Variants in LRP12 observed in about 807,000 individuals in gnomAD.
LRP12 encodes low-density lipoprotein receptor-related protein 12.
LRP12 carries 14 observed loss-of-function variants against 66.0 expected under a neutral mutation model. That is an observed-to-expected ratio of 0.21 (90% confidence interval 0.14 to 0.33). The LOEUF (loss-of-function observed/expected upper bound fraction) is 0.33. Among genes scored for constraint, LRP12 ranks in the 10% least tolerant of loss-of-function variants. The pLI, the probability that LRP12 is intolerant of heterozygous loss-of-function variation, is 1.00. For synonymous variants in LRP12, 357 were observed against 359.1 expected (o/e 0.99, Z 0.07); for missense variants, 889 against 1,053.4 (o/e 0.84, Z 2.16).
chr8:104,507,790 T>C (rs1012061836), intron 3 of LRP12: 2 of 152,080 alleles, frequency 1.3e-5, no homozygotes, highest in Admixed American at 6.5e-5. Flanking sequence ...GAAGAGGTAA[T>C]GTAGGGTAGA....
chr8:104,551,945 A>G (rs1183267999), intron 1 of LRP12, among the ~76,000 whole-genome samples: 1 of 152,202 alleles, frequency 6.6e-6, no homozygotes, highest in Non-Finnish European at 1.5e-5. Context: ...TTTTGGAATT[A>G]GGCATGAAAC....
chr8:104,573,242 T>G (rs984995582), intron 1 of LRP12, among the ~76,000 whole-genome samples: 4 of 152,164 alleles, frequency 2.6e-5, no homozygotes, highest in African/African-American at 9.7e-5. Flanking sequence ...GGAGCCATAT[T>G]TTGGTTAACT....
At chr8:104,522,158 G>C (rs1340737645) in intron 2 of LRP12, among the ~76,000 whole-genome samples, 3 of 151,788 alleles carry the variant, frequency 2.0e-5, no homozygotes, top group Non-Finnish European at 4.4e-5. Flanking sequence ...AAAAACAAAA[G>C]CCATTTTAAT....
At chr8:104,560,489 A>G (rs973926031) in intron 1 of LRP12, among the ~76,000 whole-genome samples, 23 of 152,202 alleles carry the variant, frequency 1.5e-4, no homozygotes, top group Non-Finnish European at 1.3e-4. Context: ...AGGAGGCAAC[A>G]CTAAAACCTA....
chr8:104,491,492 T>C lies in LRP12; in HGVS notation c.1761A>G (p.Gly587=), dbSNP rs758021495. ...CCATAGGAAGCCTGACTGAAGTAAA[T>C]CCAAGCTGAGATCGTACCGCTAGCC... ...NLRLAVRSQL[G]FTSVRLPMAG... Residue 587 remains glycine, a synonymous_variant, in exon 7 of 7, where the codon GGA becomes GGG. Transcript: ENST00000276654. 14 of 1,612,622 alleles carry C rather than the reference T, an allele frequency of 8.7e-6. No individual in the cohort carries two copies. The highest frequency in any genetic ancestry group is 1.2e-5 in the Non-Finnish European group (14 of 1,179,796).
At chr8:104,548,941 A>G (rs1454515814) in intron 1 of LRP12, among the ~76,000 whole-genome samples, 1 of 151,692 alleles carries the variant, frequency 6.6e-6, no homozygotes, top group Non-Finnish European at 1.5e-5. Flanking sequence ...TCCGTCAAAA[A>G]TAAATAAATA....
At chr8:104,526,027 T>C (rs569819778) in intron 2 of LRP12, among the ~76,000 whole-genome samples, 101 of 152,280 alleles carry the variant, frequency 6.6e-4, no homozygotes, top group Non-Finnish European at 2.2e-4. Flanking sequence ...AGCATTCTTA[T>C]ACACCAATAA....
At chr8:104,504,609 T>C (rs1438851225) in intron 3 of LRP12, 1 of 152,226 alleles carries the variant, frequency 6.6e-6, no homozygotes, top group East Asian at 1.9e-4. Flanking sequence ...TTTTCTTTTA[T>C]TTTAATTGCA....
chr8:104,588,354 C>T (rs1812368100), intron 1 of LRP12, among the ~76,000 whole-genome samples: 1 of 152,128 alleles, frequency 6.6e-6, no homozygotes, highest in Non-Finnish European at 1.5e-5. Flanking sequence ...CAAGGGCTGG[C>T]GCGGTGGGAA....
At position 104,519,997 on chromosome 8, in the gene LRP12, T is replaced by C. The variant is rs563369445; in HGVS notation, c.137-10923A>G. Among the ~76,000 whole-genome samples, 27 of 151,692 alleles carry C rather than the reference T, an allele frequency of 1.8e-4. No individual in the cohort carries two copies. The South Asian group carries it at 2.5e-3, about 14-fold the overall frequency. On this transcript the variant is annotated intron_variant, in intron 2 of 6. Transcript: ENST00000276654. ...ACAATCAAACTATAATCAAGGGTTA[T>C]ATGGCAGTAAAATAAAATACAAAGT...
intron 1 of LRP12, among the ~76,000 whole-genome samples, chr8:104,555,591 A>C (rs1811794897): frequency 1.3e-5 from 2 of 152,172 alleles, no homozygotes; most frequent in Non-Finnish European, 2.9e-5. Flanking sequence ...TGATAAAAGG[A>C]CTAGTCCAAA....
In LRP12 at chr8:104,495,062, C is replaced by T; in HGVS notation, c.1713+15G>A. 6.2e-7 allele frequency: 1 copy of T among 1,608,252 alleles called. No homozygotes were observed. The highest frequency in any genetic ancestry group is 8.5e-7 in the Non-Finnish European group (1 of 1,176,734). ...TTAAGAGGAAATGTAATAGAAATTA[C>T]ACATTGCAATATACCTGATTAGGTG... On this transcript the variant is annotated intron_variant, in intron 6 of 6. Transcript: ENST00000276654.
chr8:104,512,042 T>A (rs569510545), intron 2 of LRP12, among the ~76,000 whole-genome samples: 152 of 152,340 alleles, frequency 1.0e-3, no homozygotes, highest in Admixed American at 2.3e-3. Context: ...AACTGCCAGT[T>A]TTCTTCCACT....
intron 2 of LRP12, among the ~76,000 whole-genome samples, chr8:104,525,722 A>G (rs1204510639): frequency 1.3e-5 from 2 of 152,176 alleles, no homozygotes; most frequent in Non-Finnish European, 2.9e-5. Context: ...CACAGCCAAT[A>G]TCATACTGAA....
chr8:104,528,195 G>C (rs1353563656), intron 2 of LRP12, among the ~76,000 whole-genome samples: 1 of 152,130 alleles, frequency 6.6e-6, no homozygotes, highest in Non-Finnish European at 1.5e-5. Context: ...AAGTGCAAAC[G>C]ACAATCCAGC....
Position 104,490,223 on chromosome 8 carries a change from G to A in LRP12, c.*450C>T. ...AATGAAAACGCAGGTGAGTATAAGG[G>A]TTTTTTTTTTGTACATTAACAACCT... On this transcript the variant is annotated 3_prime_UTR_variant, in exon 7 of 7. Coordinates refer to ENST00000276654, the MANE Select transcript of LRP12 (RefSeq NM_013437.5). 6.7e-6 allele frequency: 1 copy of A among 148,974 alleles called. No individual in the cohort carries two copies. 9.2% of individuals were successfully genotyped at this position (148,974 alleles called of 1,614,324 possible). A position where few individuals can be genotyped will look rare whatever the true frequency, so the allele number is the denominator to read the frequency against.
intron 1 of LRP12, among the ~76,000 whole-genome samples, chr8:104,583,472 A>C (rs187080316): frequency 1.6e-4 from 24 of 152,278 alleles, no homozygotes; most frequent in African/African-American, 5.5e-4. Flanking sequence ...CTTCATGAAA[A>C]AGTCTTCCCC....
chr8:104,525,375 G>A (rs1338988135), intron 2 of LRP12, among the ~76,000 whole-genome samples: 1 of 151,922 alleles, frequency 6.6e-6, no homozygotes, highest in Non-Finnish European at 1.5e-5. Context: ...GCATCAGAAC[G>A]AGCAAAAAGG....
rs749353046 is a variant in LRP12, at chr8:104,491,303, C to T, written c.1950G>A (p.Val650=). Residue 650 remains valine (V), a synonymous_variant, in exon 7 of 7, where the codon GTG becomes GTA. Coordinates refer to ENST00000276654, the MANE Select transcript of LRP12 (RefSeq NM_013437.5). ...TTTCTGTGTCTGTATCATCAGACTC[C>T]ACGGAAAACAAACTTCTGTGAGTAT... ...RNHTHRSLFS[V]ESDDTDTENE... is the part of the protein sequence containing the mutation. 36 of 1,614,024 alleles carry T rather than the reference C, an allele frequency of 2.2e-5. No individual in the cohort carries two copies. Among genetic ancestry groups the T allele is most frequent in the Non-Finnish European group, 2.9e-5 (34 of 1,180,036 alleles).
Sources: gnomAD v4.1 joint callset for allele counts (sites outside exome capture counted in the v4.1 genomes callset) on GRCh38, gnomAD v4.1.1 for gene constraint, MANE v1.5 for transcripts, NCBI Gene and HGNC (gene_info 2026-07-23, HGNC 2026-07-21) for gene names.